TTC28: variants seen among roughly 807,000 people sequenced by gnomAD.
TTC28 encodes the protein tetratricopeptide repeat domain 28, also known as tetratricopeptide repeat protein 28.
Under a neutral mutation model 198.0 loss-of-function variants are expected in TTC28, and 61 were observed. The observed-to-expected ratio is 0.31, with a 90% CI of 0.25 to 0.38. The LOEUF is 0.38. TTC28 is among the 10% of genes least tolerant of loss of function. The pLI is 1.00. For missense variants in TTC28, 2,678 were observed against 3,164.0 expected, an observed-to-expected ratio of 0.85 and a Z score of 3.69; for synonymous variants, 1,171 against 1,297.8, an observed-to-expected ratio of 0.90 and a Z score of 2.10.
In TTC28 at chr22:28,326,446, TA is replaced by T. The variant is rs776314935; in HGVS notation, c.382-19804del. On this transcript the variant is annotated intron_variant, in intron 2 of 22. Transcript: ENST00000397906. ...CTGGAAAGGTTTGAGTAAATAGTGGTAACGATTATATGACTTTATGAATGTA... is the reference window on the plus strand; with the variant it reads ...CTGGAAAGGTTTGAGTAAATAGTGGTACGATTATATGACTTTATGAATGTA... Among the ~76,000 whole-genome samples, 143 of 152,230 alleles carry T rather than the reference TA, an allele frequency of 9.4e-4. 2 individuals carry two copies. Among genetic ancestry groups the T allele is most frequent in the Admixed American group, 1.8e-3 (27 of 15,288 alleles).
chr22:28,463,663 C>T (rs887481681), intron 2 of TTC28, among the ~76,000 whole-genome samples: 3 of 149,562 alleles, frequency 2.0e-5, no homozygotes, highest in African/African-American at 7.4e-5. Flanking sequence ...ATGGCAAGGA[C>T]AAAAAACCAG....
rs1161387959 is a variant in TTC28 at position 27,982,309 on chromosome 22, G to A, written c.7358C>T (p.Thr2453Ile). The A allele has an allele frequency of 4.6e-6, 7 of 1,524,568 alleles. No individual in the cohort carries two copies. The highest frequency in any genetic ancestry group is 1.2e-5 in the South Asian group (1 of 80,156). The allele number at this position is 1,524,568 out of a possible 1,614,324, so 94.4% of individuals were successfully genotyped here. ...SLPLPAGPPA[T>I]APARPLRLPS... ...AAGCCTCAAAGGGCGCGCGGGGGCTGTGGCGGGAGGGCCGGCGGGCAGCGG... is the reference window on the plus strand; with the variant it reads ...AAGCCTCAAAGGGCGCGCGGGGGCTATGGCGGGAGGGCCGGCGGGCAGCGG... Residue 2453 changes from threonine to isoleucine, a missense_variant, in exon 23 of 23, where the codon ACA (threonine) becomes ATA (isoleucine). Physicochemically the swap from Thr to Ile is moderately conservative, Grantham distance 89. Coordinates refer to ENST00000397906, the MANE Select transcript of TTC28 (RefSeq NM_001145418.2). This position sits in a 1 kb window ranked among gnomAD's most constrained non-coding sequence, Gnocchi z 5.2.
intron 2 of TTC28, among the ~76,000 whole-genome samples, chr22:28,397,750 A>T (rs1359819339): frequency 6.6e-6 from 1 of 152,232 alleles, no homozygotes; most frequent in African/African-American, 2.4e-5. Context: ...GAGCTAATAC[A>T]TGGTAGTATA....
At chr22:28,450,435 T>C (rs1222621157) in intron 2 of TTC28, among the ~76,000 whole-genome samples, 1 of 152,204 alleles carries the variant, frequency 6.6e-6, no homozygotes, top group Non-Finnish European at 1.5e-5. Context: ...GTTACTTCAT[T>C]TTCCTGTACC....
At chr22:28,164,096 GA>G (rs1160682586) in intron 5 of TTC28, among the ~76,000 whole-genome samples, 2 of 152,220 alleles carry the variant, frequency 1.3e-5, no homozygotes, top group Non-Finnish European at 2.9e-5. Flanking sequence ...GAGGCTGGGG[GA>G]GGGGCGCCCA....
At chr22:28,585,775 G>T (rs2146073195) in intron 2 of TTC28, among the ~76,000 whole-genome samples, 1 of 152,154 alleles carries the variant, frequency 6.6e-6, no homozygotes, top group East Asian at 1.9e-4. Context: ...TGTCTTAAAG[G>T]TCAATAAAGA....
intron 2 of TTC28, among the ~76,000 whole-genome samples, chr22:28,351,093 G>A (rs765938570): frequency 1.1e-4 from 16 of 152,128 alleles, no homozygotes; most frequent in Non-Finnish European, 1.8e-4. Context: ...TGAGGCAGGA[G>A]GATGGCATGA....
chr22:28,661,050 C>T (rs893439472), intron 1 of TTC28, among the ~76,000 whole-genome samples: 9 of 151,832 alleles, frequency 5.9e-5, no homozygotes, highest in African/African-American at 2.2e-4. Flanking sequence ...TTTGGGAGGC[C>T]GAGGTGAGCG....
chr22:28,524,663 A>G (rs5762670), intron 2 of TTC28, among the ~76,000 whole-genome samples: 70,975 of 151,918 alleles, frequency 0.47, 17,040 homozygotes, highest in Admixed American at 0.62. Flanking sequence ...AAACAAATAT[A>G]TGCAAAATGT....
At chr22:28,001,726 C>G in intron 14 of TTC28, 173 bp from the exon 15 acceptor site, 1 of 702,814 alleles carries the variant, frequency 1.4e-6, no homozygotes, top group Non-Finnish European at 2.3e-6. Flanking sequence ...GGAGCGGCAC[C>G]AACTGGCATG....
At chr22:28,644,389 A>AAC in intron 1 of TTC28, among the ~76,000 whole-genome samples, 1 of 120,822 alleles carries the variant, frequency 8.3e-6, no homozygotes, top group South Asian at 2.5e-4. Flanking sequence ...ACAGAGCAAG[A>AAC]CTCCATCTCA....
chr22:28,509,822 A>AT (rs2048663913), intron 2 of TTC28, among the ~76,000 whole-genome samples: 1 of 152,202 alleles, frequency 6.6e-6, no homozygotes, highest in African/African-American at 2.4e-5. Context: ...AATAAACACA[A>AT]TAAAAAAATG....
At chr22:28,000,531 G>A (rs750282497) in intron 15 of TTC28, 1 of 152,412 alleles carries the variant, frequency 6.6e-6, no homozygotes, top group African/African-American at 2.4e-5. Flanking sequence ...AAGGACATCC[G>A]GAGTTGGAGG....
intron 4 of TTC28, among the ~76,000 whole-genome samples, 195 bp downstream of exon 4, chr22:28,297,385 T>G (rs1393014111): frequency 6.6e-6 from 1 of 151,774 alleles, no homozygotes; most frequent in East Asian, 1.9e-4. Context: ...TTTTTTTTTT[T>G]TAAGAAACAG....
intron 1 of TTC28, among the ~76,000 whole-genome samples, chr22:28,653,118 T>C (rs896165564): frequency 3.9e-5 from 6 of 152,190 alleles, no homozygotes; most frequent in Non-Finnish European, 2.9e-5. Context: ...TTCTCAGAGC[T>C]TCCCTGACTA....
chr22:28,236,780 A>G (rs762661663), intron 5 of TTC28, among the ~76,000 whole-genome samples: 4 of 152,220 alleles, frequency 2.6e-5, no homozygotes, highest in Non-Finnish European at 5.9e-5. Flanking sequence ...AAGCTTCTCT[A>G]TGATTGTCCT....
intron 2 of TTC28, among the ~76,000 whole-genome samples, chr22:28,603,144 G>A (rs942833603): frequency 1.3e-5 from 2 of 152,080 alleles, no homozygotes; most frequent in Non-Finnish European, 2.9e-5. Context: ...TTCCCAAAGT[G>A]CTGGGATTAC....
At chr22:28,166,203 T>C (rs554367104) in intron 5 of TTC28, among the ~76,000 whole-genome samples, 1 of 152,228 alleles carries the variant, frequency 6.6e-6, no homozygotes, top group East Asian at 1.9e-4. Flanking sequence ...CAAAGAGACT[T>C]TGACTCCCAC....
intron 2 of TTC28, among the ~76,000 whole-genome samples, chr22:28,394,846 T>C (rs906948688): frequency 6.6e-6 from 1 of 152,102 alleles, no homozygotes; most frequent in Non-Finnish European, 1.5e-5. Flanking sequence ...TTGTCCCCAG[T>C]TGCTTGATAT....
Sources: allele counts gnomAD v4.1 joint callset (sites outside exome capture counted in the v4.1 genomes callset), GRCh38; gene constraint gnomAD v4.1.1; non-coding constraint Gnocchi (gnomAD v3.1); transcripts MANE v1.5; gene names NCBI Gene and HGNC (gene_info 2026-07-23, HGNC 2026-07-21).